ARAP2: variants seen among roughly 807,000 people sequenced by gnomAD.
ARAP2 encodes ArfGAP with RhoGAP domain, ankyrin repeat and PH domain 2.
A neutral mutation model predicts 194.5 loss-of-function variants in ARAP2; 148 were observed. The observed-to-expected ratio is 0.76, with a 90% CI of 0.67 to 0.87. The LOEUF is 0.87. Ranked by LOEUF, ARAP2 falls within the 40% of genes least tolerant of loss-of-function variation. The pLI, the probability that ARAP2 is intolerant of heterozygous loss-of-function variation, is 0.00. For missense variants in ARAP2, 2,128 were observed against 1,989.7 expected (o/e 1.07, Z -1.32); for synonymous variants, 695 against 683.5 (o/e 1.02, Z -0.26).
intron 28 of ARAP2, among the ~76,000 whole-genome samples, chr4:36,084,715 G>A (rs1730411613): frequency 6.6e-6 from 1 of 151,982 alleles, no homozygotes; most frequent in Non-Finnish European, 1.5e-5. Flanking sequence ...AGGTTAGGAG[G>A]ATATAACAGA....
downstream of ARAP2, among the ~76,000 whole-genome samples, chr4:36,062,294 G>A (rs1212966722): frequency 6.6e-6 from 1 of 152,174 alleles, no homozygotes; most frequent in East Asian, 1.9e-4. Flanking sequence ...GAATGGTGTT[G>A]ATTCAAGACC....
At chr4:36,187,700 C>T in intron 7 of ARAP2, 129 bp from the exon 8 acceptor site, 1 of 701,218 alleles carries the variant, frequency 1.4e-6, no homozygotes, top group Non-Finnish European at 2.1e-6. Flanking sequence ...AAATGCCATA[C>T]AAGTAATTTG....
chr4:36,192,831 T>C (rs1475086162), intron 7 of ARAP2, among the ~76,000 whole-genome samples: 1 of 152,098 alleles, frequency 6.6e-6, no homozygotes, highest in Admixed American at 6.6e-5. Flanking sequence ...ACCTTGTCTC[T>C]ACTAAAATTA....
intron 32 of ARAP2, among the ~76,000 whole-genome samples, chr4:36,070,274 T>C (rs1026921771): frequency 3.3e-5 from 5 of 152,150 alleles, no homozygotes; most frequent in East Asian, 1.9e-4. Flanking sequence ...GTGTGCCAAA[T>C]TGCCTTGAAT....
rs752642387 is a variant in ARAP2, at chr4:36,151,003, T to C, written c.2794A>G (p.Ser932Gly). The C allele has an allele frequency of 1.5e-5, 24 of 1,610,572 alleles. No individual in the cohort carries two copies. The highest frequency in any genetic ancestry group is 2.0e-5 in the Non-Finnish European group (23 of 1,178,780). Residue 932 changes from serine (S) to glycine (G), a missense_variant, in exon 16 of 33, where the codon AGT becomes GGT. By Grantham distance (56) the Ser-to-Gly change is moderately conservative (BLOSUM62 0). Coordinates refer to ENST00000303965, the MANE Select transcript of ARAP2 (RefSeq NM_015230.4). The stretch of plus-strand genomic sequence containing the variant: ...GTAGACTTATCATTTTCATAGTAAC[T>C]CAAGAAGCCTCCTTCCAAAACACAC... Reference protein sequence around the residue: ...KWCVLEGGFLSYYENDKSTTP... With the variant: ...KWCVLEGGFLGYYENDKSTTP...
chr4:36,187,968 G>A (rs1028737684), intron 7 of ARAP2, among the ~76,000 whole-genome samples: 1 of 152,156 alleles, frequency 6.6e-6, no homozygotes, highest in Admixed American at 6.5e-5. Flanking sequence ...ATTTTGAAAC[G>A]AGTTTGTTAC....
chr4:36,112,278 A>G (rs1720192617), intron 26 of ARAP2, among the ~76,000 whole-genome samples: 1 of 152,016 alleles, frequency 6.6e-6, no homozygotes, highest in Non-Finnish European at 1.5e-5. Context: ...AGTATAGTCT[A>G]GGGCAGAACC....
At chr4:36,124,782 A>T (rs1723482966) in intron 22 of ARAP2, 80 bp downstream of exon 22, 4 of 873,216 alleles carry the variant, frequency 4.6e-6, no homozygotes, top group Non-Finnish European at 7.2e-6. Context: ...ATACGTAGAA[A>T]GATTCACAAT....
chr4:36,130,073 T>C (rs936150976), intron 20 of ARAP2, among the ~76,000 whole-genome samples: 7 of 151,946 alleles, frequency 4.6e-5, no homozygotes, highest in African/African-American at 1.7e-4. Flanking sequence ...ACATAGATTC[T>C]TCATCATGAT....
intron 5 of ARAP2, among the ~76,000 whole-genome samples, chr4:36,032,744 G>C (rs781472240): frequency 7.2e-5 from 11 of 151,974 alleles, no homozygotes; most frequent in Non-Finnish European, 1.3e-4. Flanking sequence ...CTGACACAAG[G>C]GTTTGTTGTA....
intron 8 of ARAP2, among the ~76,000 whole-genome samples, chr4:36,185,414 AT>A (rs1740298428): frequency 1.3e-5 from 2 of 152,144 alleles, no homozygotes; most frequent in Non-Finnish European, 2.9e-5. Flanking sequence ...TGGTGACATC[AT>A]AAACCACTAA....
intron 5 of ARAP2, among the ~76,000 whole-genome samples, chr4:36,029,097 C>T (rs1303615817): frequency 6.6e-6 from 1 of 151,872 alleles, no homozygotes; most frequent in Admixed American, 6.6e-5. Flanking sequence ...AAACACACAC[C>T]AACACAAACA....
At chr4:36,127,182 A>G (rs1292370141) in intron 21 of ARAP2, among the ~76,000 whole-genome samples, 1 of 152,126 alleles carries the variant, frequency 6.6e-6, no homozygotes, top group African/African-American at 2.4e-5. Context: ...GACAAATTAT[A>G]AGTCTATAAA....
At chr4:36,063,780 G>A (rs1247108153), downstream of ARAP2, among the ~76,000 whole-genome samples, 1 of 152,144 alleles carries the variant, frequency 6.6e-6, no homozygotes, top group Non-Finnish European at 1.5e-5. Flanking sequence ...TTTGGGGTTG[G>A]TTACAAGTTC....
intron 5 of ARAP2, among the ~76,000 whole-genome samples, chr4:36,019,593 G>A (rs946769583): frequency 1.3e-5 from 2 of 151,292 alleles, no homozygotes; most frequent in Non-Finnish European, 2.9e-5. Flanking sequence ...GGTGGACCCA[G>A]GGAAAGGCTT....
chr4:36,177,718 T>C (rs958482519), intron 9 of ARAP2, 109 bp downstream of exon 9: 5 of 1,155,114 alleles, frequency 4.3e-6, no homozygotes, highest in African/African-American at 3.1e-5. Flanking sequence ...GAGTACACAA[T>C]GCTAAAACAA....
chr4:36,057,428 A>C (rs1723708599), intron 2 of ARAP2, among the ~76,000 whole-genome samples: 1 of 151,908 alleles, frequency 6.6e-6, no homozygotes, highest in Non-Finnish European at 1.5e-5. Context: ...CCATTTAAAA[A>C]AACTGTTGGT....
At chr4:36,241,074 A>G (rs1421137764) in intron 1 of ARAP2, among the ~76,000 whole-genome samples, 3 of 152,230 alleles carry the variant, frequency 2.0e-5, no homozygotes, top group African/African-American at 7.2e-5. Context: ...TAATGTAGAG[A>G]GATCCCTAAG....
At chr4:36,028,545 C>A (rs569339532) in intron 5 of ARAP2, among the ~76,000 whole-genome samples, 5 of 151,452 alleles carry the variant, frequency 3.3e-5, no homozygotes, top group Admixed American at 3.3e-4. Flanking sequence ...TTTTCCTATT[C>A]GATTTGTAAA....
Sources: allele counts gnomAD v4.1 joint callset (sites outside exome capture counted in the v4.1 genomes callset), GRCh38; gene constraint gnomAD v4.1.1; transcripts MANE v1.5; gene names NCBI Gene and HGNC (gene_info 2026-07-23, HGNC 2026-07-21).